HINFP: variants seen among roughly 807,000 people sequenced by gnomAD.
The protein encoded by HINFP is histone H4 transcription factor, also known as MBD2 (methyl-CpG-binding protein)-interacting zinc finger protein.
HINFP carries 20 observed loss-of-function variants against 50.1 expected under a neutral mutation model. That is an observed-to-expected ratio of 0.40 (90% CI 0.28 to 0.58). HINFP has a LOEUF of 0.58. Among genes scored for constraint, HINFP ranks in the 20% least tolerant of loss-of-function variants. The probability of loss-of-function intolerance (pLI) is 0.45; values close to 1 mark genes in which losing one functional copy is unlikely to be tolerated. For synonymous variants in HINFP, 247 were observed against 243.7 expected, an observed-to-expected ratio of 1.01 and a Z score of -0.13; for missense variants, 505 against 664.1, an observed-to-expected ratio of 0.76 and a Z score of 2.63.
intron 1 of HINFP, chr11:119,124,068 C>G (rs1005395298): frequency 1.3e-5 from 2 of 152,156 alleles, no homozygotes; most frequent in African/African-American, 4.8e-5. Flanking sequence ...CATTTGCTCA[C>G]CTCAGCCTCC....
At position 119,121,619 on chromosome 11, in the gene HINFP, G is replaced by A. The variant is rs1947056728; in HGVS notation, c.-31G>A. ...GGTCTGAGGTGGGAGAAGAGCTGAA[G>A]AGACCTGGAGCCGACAGACGGTAAG... On this transcript the variant is annotated 5_prime_UTR_variant, in exon 1 of 10. Coordinates refer to ENST00000350777, the MANE Select transcript of HINFP (RefSeq NM_198971.3). The A allele has an allele frequency of 6.6e-6, 1 of 152,366 alleles. No homozygotes were observed. The highest frequency in any genetic ancestry group is 2.1e-4 in the South Asian group (1 of 4,834). 9.4% of individuals were successfully genotyped at this position (152,366 alleles called of 1,614,324 possible). A position where few individuals can be genotyped will look rare whatever the true frequency, so the allele number is the denominator to read the frequency against.
At chr11:119,126,798 C>A in intron 1 of HINFP, 137 bp from the exon 2 acceptor site, 2 of 680,092 alleles carry the variant, frequency 2.9e-6, no homozygotes, top group Admixed American at 3.0e-5. Flanking sequence ...TCCATCCTTA[C>A]TGTAAAAGGG....
intron 2 of HINFP, 82 bp downstream of exon 2, chr11:119,127,207 G>A (rs906628284): frequency 9.4e-6 from 11 of 1,170,046 alleles, no homozygotes; most frequent in African/African-American, 4.7e-5. Context: ...GGGAGAAGGC[G>A]GCCTAAGAGA....
intron 8 of HINFP, 42 bp from the exon 9 acceptor site, chr11:119,133,053 G>A (rs757691873): frequency 3.7e-6 from 6 of 1,614,176 alleles, no homozygotes; most frequent in Middle Eastern, 1.6e-4. Flanking sequence ...GGGGACCCTG[G>A]GGTGAAGAGC....
At chr11:119,133,269 T>A in intron 9 of HINFP, 50 bp downstream of exon 9, 1 of 1,603,104 alleles carries the variant, frequency 6.2e-7, no homozygotes, top group Non-Finnish European at 8.5e-7. Flanking sequence ...TTTTTATACC[T>A]TTTCAACCAG....
intron 1 of HINFP, among the ~76,000 whole-genome samples, chr11:119,122,700 T>A (rs1947137169): frequency 6.6e-6 from 1 of 152,142 alleles, no homozygotes; most frequent in African/African-American, 2.4e-5. Context: ...GGAAACAAGT[T>A]TCATTGCATT....
At chr11:119,130,378 C>G in intron 2 of HINFP, 1 of 279,432 alleles carries the variant, frequency 3.6e-6, no homozygotes, top group Non-Finnish European at 6.9e-6. Flanking sequence ...CAAATGACCT[C>G]TGTTTAATGC....
At chr11:119,130,529 T>C (rs979005432) in intron 2 of HINFP, 196 bp from the exon 3 acceptor site, 4 of 576,132 alleles carry the variant, frequency 6.9e-6, no homozygotes, top group Non-Finnish European at 1.2e-5. Context: ...CACTTTTTAC[T>C]TGTTATAGTC....
At chr11:119,129,290 C>T (rs1592275362) in intron 2 of HINFP, among the ~76,000 whole-genome samples, 1 of 152,032 alleles carries the variant, frequency 6.6e-6, no homozygotes, top group Non-Finnish European at 1.5e-5. Context: ...CTGCCTGCCT[C>T]GGCCTCCCAA....
chr11:119,124,449 G>A (rs546758385), intron 1 of HINFP: 2 of 152,276 alleles, frequency 1.3e-5, no homozygotes, highest in Admixed American at 1.3e-4. Flanking sequence ...TCAGGAGACA[G>A]AGCCAAGGCC....
chr11:119,127,266 G>A, intron 2 of HINFP, 141 bp downstream of exon 2: 1 of 668,824 alleles, frequency 1.5e-6, no homozygotes, highest in Non-Finnish European at 2.4e-6. Context: ...TAAAAACATT[G>A]TAAACTCATT....
rs1486031282 is a variant in HINFP at position 119,131,512 on chromosome 11, ACC to A, written c.412-20_412-19del. Reference sequence around the variant, plus strand: ...GTCCCTCTACCCACCCTCAGTCCTCACCCCAAGTTGCCCCTGGCACAGAATTC... The same window carrying A: ...GTCCCTCTACCCACCCTCAGTCCTCACCAAGTTGCCCCTGGCACAGAATTC... On this transcript the variant is annotated intron_variant, in intron 3 of 9. Transcript: ENST00000350777. This position sits in a 1 kb window ranked among gnomAD's most constrained non-coding sequence, Gnocchi z 4.2. 2.6e-6 allele frequency: 4 copies of A among 1,559,880 alleles called. No homozygotes were observed. The South Asian group carries it at 4.4e-5, about 17-fold the overall frequency.
At chr11:119,129,348 T>C (rs959914975) in intron 2 of HINFP, among the ~76,000 whole-genome samples, 1 of 150,264 alleles carries the variant, frequency 6.7e-6, no homozygotes, top group Admixed American at 6.6e-5. Context: ...CAAAGCCACT[T>C]TTTTTTTAGA....
chr11:119,125,860 A>C (rs1289404748), intron 1 of HINFP: 1 of 152,220 alleles, frequency 6.6e-6, no homozygotes, highest in Non-Finnish European at 1.5e-5. Context: ...ATTGTATGGC[A>C]CTGTGAAAGT....
At chr11:119,130,433 G>C in intron 2 of HINFP, 1 of 383,338 alleles carries the variant, frequency 2.6e-6, no homozygotes. Context: ...ACTCATCACT[G>C]GTTGCAGTTT....
intron 2 of HINFP, among the ~76,000 whole-genome samples, chr11:119,128,069 G>T (rs1013696730): frequency 7.2e-5 from 11 of 152,042 alleles, no homozygotes; most frequent in Admixed American, 5.9e-4. Context: ...GGCCAGGATG[G>T]TCTCAATCTC....
chr11:119,133,572 C>CATCT (rs1947900487), intron 9 of HINFP: 2 of 204,856 alleles, frequency 9.8e-6, no homozygotes, highest in Non-Finnish European at 2.0e-5. Context: ...GAGCGAGACT[C>CATCT]CATCTCAAAA....
At chr11:119,132,404 G>A in intron 5 of HINFP, 92 bp from the exon 6 acceptor site, 1 of 1,244,704 alleles carries the variant, frequency 8.0e-7, no homozygotes, top group African/African-American at 1.5e-5. Flanking sequence ...CTCCTTGGGT[G>A]GTTCCCTTCT....
chr11:119,127,087 G>A lies in HINFP; in HGVS notation c.143G>A (p.Gly48Glu). ...CTGCAGCAGCACCTGCATGGCTCTG[G>A]GGAGGAGGAGGAAGAGGAAGAGGAG... is the stretch of plus-strand genomic sequence containing the variant. The part of the protein sequence containing the change: ...QHLQQHLHGS[G>E]EEEEEEEEDD... The change falls in exon 2 of 10, where the codon GGG becomes GAG. Residue 48 changes from glycine to glutamate, a missense_variant. Physicochemically the swap from Gly to Glu is moderately conservative, Grantham distance 98. Transcript: ENST00000350777. 1 of 1,613,538 alleles carries A rather than the reference G, an allele frequency of 6.2e-7. No homozygotes were observed. Among genetic ancestry groups the A allele is most frequent in the Non-Finnish European group, 8.5e-7 (1 of 1,179,874 alleles).
Sources: gnomAD v4.1 joint callset for allele counts (sites outside exome capture counted in the v4.1 genomes callset) on GRCh38, gnomAD v4.1.1 for gene constraint, Gnocchi (gnomAD v3.1) non-coding constraint, MANE v1.5 for transcripts, NCBI Gene and HGNC (gene_info 2026-07-23, HGNC 2026-07-21) for gene names.